GSE1: variants seen among roughly 807,000 people sequenced by gnomAD.
GSE1 encodes genetic suppressor element 1.
GSE1 carries 32 observed loss-of-function variants against 112.6 expected under a neutral mutation model. The observed-to-expected ratio is 0.28, with a 90% CI of 0.21 to 0.38. GSE1 has a LOEUF of 0.38. Among genes scored for constraint, GSE1 ranks in the 10% least tolerant of loss-of-function variants. GSE1 has a pLI of 1.00. For missense variants in GSE1, 2,348 were observed against 1,699.2 expected, an observed-to-expected ratio of 1.38 and a Z score of -6.71; for synonymous variants, 1,115 against 735.6, an observed-to-expected ratio of 1.52 and a Z score of -8.35.
intron 2 of GSE1, among the ~76,000 whole-genome samples, chr16:85,429,391 C>T (rs946212544): frequency 3.3e-5 from 5 of 152,222 alleles, no homozygotes; most frequent in South Asian, 2.1e-4. Flanking sequence ...GCTGCTGCCC[C>T]GAAACATCCT....
intron 1 of GSE1, among the ~76,000 whole-genome samples, chr16:85,220,142 G>A (rs1198081567): frequency 6.6e-6 from 1 of 152,232 alleles, no homozygotes; most frequent in Non-Finnish European, 1.5e-5. Context: ...GGAGCACGGG[G>A]AAATCCCAAA....
chr16:85,596,298 A>T (rs1196859634), intron 1 of GSE1, among the ~76,000 whole-genome samples: 1 of 152,164 alleles, frequency 6.6e-6, no homozygotes, highest in Non-Finnish European at 1.5e-5. Flanking sequence ...GACTTGGGAA[A>T]TGAAGCCTCA....
Position 85,373,053 on chromosome 16 carries a change from A to G in GSE1, c.2464+15410A>G, listed in dbSNP as rs867577934. On this transcript the variant is annotated intron_variant, in intron 2 of 2. Transcript: ENST00000637419. This position sits in a 1 kb window ranked among gnomAD's most constrained non-coding sequence, Gnocchi z 5.1. The stretch of plus-strand genomic sequence containing the variant: ...GTGAGACATGCAGAAGTTCTCCAGA[A>G]TCACCTGCACGGCTTTGACTGTGAG... 2.6e-4 allele frequency among the ~76,000 whole-genome samples: 39 copies of G among 152,374 alleles called. No homozygotes were observed. Among genetic ancestry groups the G allele is most frequent in the African/African-American group, 8.9e-4 (37 of 41,600 alleles).
chr16:85,333,101 C>G (rs922411226), intron 1 of GSE1, among the ~76,000 whole-genome samples: 5 of 152,050 alleles, frequency 3.3e-5, no homozygotes, highest in African/African-American at 1.2e-4. Flanking sequence ...CCAGCACTCA[C>G]CCAGGGCTGC....
intron 1 of GSE1, among the ~76,000 whole-genome samples, chr16:85,340,091 A>C (rs1355193819): frequency 7.0e-6 from 1 of 143,814 alleles, no homozygotes; most frequent in African/African-American, 2.6e-5. Flanking sequence ...TCCAGAATGG[A>C]AACAGATGGT....
intron 2 of GSE1, among the ~76,000 whole-genome samples, chr16:85,459,684 CTGA>C (rs2049921857): frequency 6.6e-6 from 1 of 152,226 alleles, no homozygotes; most frequent in Admixed American, 6.5e-5. Context: ...CACGGAGTCA[CTGA>C]ACCCAGTCTG....
intron 1 of GSE1, among the ~76,000 whole-genome samples, chr16:85,197,756 G>A (rs1414803088): frequency 6.6e-6 from 1 of 152,120 alleles, no homozygotes; most frequent in Admixed American, 6.5e-5. Flanking sequence ...CCATCTCCTC[G>A]TTGGCCAAGG....
Position 85,170,946 on chromosome 16 carries a change from C to T in GSE1, c.1422C>T (p.Ser474=), listed in dbSNP as rs75025475. The change falls in exon 1 of 3, where the codon TCC becomes TCT. Residue 474 remains serine (S), a synonymous_variant. Transcript: ENST00000637419. ...TCCCGAGGGAAGAGGGCCTGCCCTC[C>T]GGGGCCCTGCGAGAGGCCTGCTACC... The T allele has an allele frequency of 1.7e-3, 1,638 of 985,486 alleles. 30 individuals are homozygous for T. The African/African-American group carries it at 0.026, about 16-fold the overall frequency. 61.0% of individuals were successfully genotyped at this position (985,486 alleles called of 1,614,324 possible).
chr16:85,322,324 G>A (rs2046125956), intron 1 of GSE1, among the ~76,000 whole-genome samples: 1 of 152,196 alleles, frequency 6.6e-6, no homozygotes, highest in Non-Finnish European at 1.5e-5. Flanking sequence ...GGCAGTGGGG[G>A]AAGGGGAGCA....
At chr16:85,623,998 C>CT (rs879674051) in intron 1 of GSE1, among the ~76,000 whole-genome samples, 1 of 152,204 alleles carries the variant, frequency 6.6e-6, no homozygotes, top group African/African-American at 2.4e-5. Flanking sequence ...TGGATCCTCT[C>CT]TCCCTCCCAC....
intron 15 of GSE1, among the ~76,000 whole-genome samples, chr16:85,671,353 T>G (rs978010836): frequency 1.4e-5 from 2 of 141,876 alleles, no homozygotes; most frequent in Admixed American, 1.5e-4. Flanking sequence ...GGCAGGAGAA[T>G]GGCGTGAACC....
chr16:85,494,715 C>A (rs920624467), intron 2 of GSE1, among the ~76,000 whole-genome samples: 3 of 152,160 alleles, frequency 2.0e-5, no homozygotes, highest in African/African-American at 7.2e-5. Context: ...CAAATAAGGT[C>A]ACATTCTGAG....
In GSE1 at chr16:85,661,332, G is replaced by A. The variant is rs747655330; in HGVS notation, c.1827G>A (p.Pro609=). ...AAAGCCACTCTCTGCACAGCCACCC[G>A]GCTGCATTTGAGCCCAGCCGCCAGG... ...RAESHSLHSH[P]AAFEPSRQAA... is the part of the protein sequence containing the mutation. Residue 609 remains proline (P), a synonymous_variant, in exon 9 of 16, where the codon CCG becomes CCA. Transcript: ENST00000253458. 33 of 1,612,218 alleles carry A rather than the reference G, an allele frequency of 2.0e-5. 1 individual carries two copies. Among genetic ancestry groups the A allele is most frequent in the African/African-American group, 5.3e-5 (4 of 74,922 alleles).
intron 11 of GSE1, among the ~76,000 whole-genome samples, chr16:85,664,146 T>A (rs1432475644): frequency 6.6e-6 from 1 of 152,246 alleles, no homozygotes; most frequent in Non-Finnish European, 1.5e-5. Context: ...CTCGAATCCA[T>A]ATAGCAGAAG....
At chr16:85,587,181 C>CA (rs1555538633) in intron 1 of GSE1, among the ~76,000 whole-genome samples, 93 of 149,162 alleles carry the variant, frequency 6.2e-4, no homozygotes, top group African/African-American at 2.2e-3. Flanking sequence ...CCCCCCCCCC[C>CA]AGACCAGACC....
At chr16:85,499,197 A>G (rs2051279791) in intron 2 of GSE1, among the ~76,000 whole-genome samples, 1 of 151,664 alleles carries the variant, frequency 6.6e-6, no homozygotes. Flanking sequence ...AGGCCTGGGC[A>G]CAGTGAAGCT....
chr16:85,650,345 G>A (rs1035909657), intron 3 of GSE1, among the ~76,000 whole-genome samples: 8 of 152,114 alleles, frequency 5.3e-5, no homozygotes, highest in African/African-American at 1.7e-4. Flanking sequence ...GAGGCTCCTT[G>A]CGCCCCACTG....
chr16:85,670,628 T>G (rs1442174439), intron 14 of GSE1: 1 of 156,474 alleles, frequency 6.4e-6, no homozygotes, highest in Admixed American at 6.5e-5. Context: ...CTTTATTTTA[T>G]TAATTAAATC....
At chr16:85,651,716 A>G (rs1038017681) in intron 3 of GSE1, among the ~76,000 whole-genome samples, 1 of 152,150 alleles carries the variant, frequency 6.6e-6, no homozygotes, top group Non-Finnish European at 1.5e-5. Flanking sequence ...AGGCTGGGTG[A>G]TGATTGAAGC....
Sources: allele counts gnomAD v4.1 joint callset (sites outside exome capture counted in the v4.1 genomes callset), GRCh38; gene constraint gnomAD v4.1.1; non-coding constraint Gnocchi (gnomAD v3.1); transcripts MANE v1.5; gene names NCBI Gene and HGNC (gene_info 2026-07-23, HGNC 2026-07-21).